ZNF721: variants seen among roughly 807,000 people sequenced by gnomAD.
ZNF721 encodes the protein zinc finger protein 721.
ZNF721 carries 2 observed loss-of-function variants against 2.4 expected under a neutral mutation model. The ratio of observed to expected loss-of-function variants is 0.82; its 90% confidence interval spans 0.34 to 2.58. ZNF721 has a LOEUF of 2.58. Among genes scored for constraint, ZNF721 ranks in the 30% most tolerant of loss-of-function variants. The pLI is 0.11. For synonymous variants in ZNF721, 398 were observed against 381.8 expected (o/e 1.04, Z -0.50); for missense variants, 1,187 against 1,085.5 (o/e 1.09, Z -1.31).
chr4:482,297 A>G (rs535350292), intron 1 of ZNF721, among the ~76,000 whole-genome samples: 2 of 151,574 alleles, frequency 1.3e-5, no homozygotes, highest in South Asian at 2.1e-4. Flanking sequence ...CTGAGCCACT[A>G]GGATTACAGG....
chr4:472,533 T>TCC (rs1560238103), intron 2 of ZNF721, 42 bp downstream of exon 2: 1 of 1,571,076 alleles, frequency 6.4e-7, no homozygotes, highest in East Asian at 2.3e-5. Context: ...AAAATAAAAC[T>TCC]CAGAGGGAGT....
intron 1 of ZNF721, among the ~76,000 whole-genome samples, chr4:484,783 T>C (rs1553869987): frequency 6.6e-6 from 1 of 152,250 alleles, no homozygotes; most frequent in Non-Finnish European, 1.5e-5. Context: ...AATTTCACCC[T>C]GGCCCTGTGG....
chr4:482,291 GCCAC>G (rs1715789764), intron 1 of ZNF721, among the ~76,000 whole-genome samples: 1 of 152,072 alleles, frequency 6.6e-6, no homozygotes, highest in Admixed American at 6.6e-5. Flanking sequence ...AACCTCCTGA[GCCAC>G]TAGGATTACA....
At chr4:450,262 G>A (rs1576954781) in intron 2 of ZNF721, among the ~76,000 whole-genome samples, 5 of 149,762 alleles carry the variant, frequency 3.3e-5, no homozygotes, top group Admixed American at 3.3e-4. Context: ...CCAAGATATG[G>A]AATCAATCCA....
chr4:474,109 A>C, intron 1 of ZNF721: 5 of 1,206,550 alleles, frequency 4.1e-6, no homozygotes, highest in Non-Finnish European at 5.7e-6. Context: ...GAAGCAGGGA[A>C]GTGAGGCCCT....
In ZNF721 at chr4:499,138, C is replaced by G. The variant is rs868950153; in HGVS notation, c.-176G>C. On this transcript the variant is annotated 5_prime_UTR_variant, in exon 1 of 3. Coordinates refer to ENST00000511833, the MANE Select transcript of ZNF721 (RefSeq NM_133474.4). ...GAACACCGCCCGCTGTTCGTATGTC[C>G]GAGGTGACGCCCCGCTGTGGCGGGC... 1.2e-5 allele frequency: 7 copies of G among 601,002 alleles called. No individual in the cohort carries two copies. The highest frequency in any genetic ancestry group is 4.4e-4 in the Middle Eastern group (1 of 2,270). 37.2% of individuals were successfully genotyped at this position (601,002 alleles called of 1,614,324 possible). A position where few individuals can be genotyped will look rare whatever the true frequency, so the allele number is the denominator to read the frequency against.
At chr4:498,619 A>C (rs1404267818) in intron 1 of ZNF721, among the ~76,000 whole-genome samples, 1 of 152,260 alleles carries the variant, frequency 6.6e-6, no homozygotes, top group Non-Finnish European at 1.5e-5. Flanking sequence ...TAAGCAAAAT[A>C]AGACACAGAA....
chr4:484,994 ATT>A (rs1476719375), intron 1 of ZNF721, among the ~76,000 whole-genome samples: 1 of 152,050 alleles, frequency 6.6e-6, no homozygotes, highest in East Asian at 1.9e-4. Context: ...CAGCTTTAAA[ATT>A]TCTCTCTTTT....
Position 441,842 on chromosome 4 carries a change from T to C in ZNF721, c.2625A>G (p.Arg875=), listed in dbSNP as rs1415306606. Residue 875 remains arginine, a synonymous_variant, in exon 3 of 3, where the codon AGA becomes AGG. Coordinates refer to ENST00000511833, the MANE Select transcript of ZNF721 (RefSeq NM_133474.4). ...YTCGECGKTF[R]QSANLYAHKK... ...TATGCGCATAAAGATTTGCAGACTGTCTAAAGGTTTTGCCACATTCTCCAC... is the reference window on the plus strand; with the variant it reads ...TATGCGCATAAAGATTTGCAGACTGCCTAAAGGTTTTGCCACATTCTCCAC... The C allele has an allele frequency of 6.2e-7, 1 of 1,613,894 alleles. No homozygotes were observed. Among genetic ancestry groups the C allele is most frequent in the Non-Finnish European group, 8.5e-7 (1 of 1,180,006 alleles).
At chr4:472,465 G>T in intron 2 of ZNF721, 110 bp downstream of exon 2, 2 of 1,198,072 alleles carry the variant, frequency 1.7e-6, no homozygotes, top group Non-Finnish European at 2.3e-6. Flanking sequence ...ACATAGCTGT[G>T]TGTGTGAGAC....
At position 489,800 on chromosome 4, in the gene ZNF721, C is replaced by G. The variant is rs531599237; in HGVS notation, c.-94+9256G>C. ...TTAGAAGAATCAGATCAGAAATATA[C>G]CTTATTTCTAATTATATATTGATCA... On this transcript the variant is annotated intron_variant, in intron 1 of 2. Coordinates refer to ENST00000511833, the MANE Select transcript of ZNF721 (RefSeq NM_133474.4). 1.1e-4 allele frequency among the ~76,000 whole-genome samples: 16 copies of G among 152,200 alleles called. No individual in the cohort carries two copies. In the South Asian group the frequency reaches 3.1e-3, roughly 30 times the overall value.
chr4:485,564 T>A (rs1385689634), intron 1 of ZNF721, among the ~76,000 whole-genome samples: 1 of 152,170 alleles, frequency 6.6e-6, no homozygotes, highest in East Asian at 1.9e-4. Flanking sequence ...TTCACATTAA[T>A]TTGAGAAATA....
At chr4:467,004 G>T (rs1715272486) in intron 2 of ZNF721, among the ~76,000 whole-genome samples, 2 of 152,060 alleles carry the variant, frequency 1.3e-5, no homozygotes, top group African/African-American at 4.8e-5. Flanking sequence ...AGATCACAAG[G>T]TCAGGAGATA....
At chr4:491,543 C>T (rs1716023319) in intron 1 of ZNF721, among the ~76,000 whole-genome samples, 1 of 152,222 alleles carries the variant, frequency 6.6e-6, no homozygotes, top group Non-Finnish European at 1.5e-5. Flanking sequence ...CAAGAGCAGA[C>T]TGAAATGTTA....
chr4:488,943 C>T (rs1715960959), intron 1 of ZNF721, among the ~76,000 whole-genome samples: 1 of 152,072 alleles, frequency 6.6e-6, no homozygotes, highest in Non-Finnish European at 1.5e-5. Flanking sequence ...AGGAAAAACA[C>T]CCAAGGGACC....
At chr4:495,342 A>AAT (rs1716122651) in intron 1 of ZNF721, among the ~76,000 whole-genome samples, 1 of 151,582 alleles carries the variant, frequency 6.6e-6, no homozygotes, top group African/African-American at 2.4e-5. Context: ...AAAAAAAAAA[A>AAT]AAAAAAGACA....
chr4:484,906 C>T lies in ZNF721; in HGVS notation c.-93-12205G>A, dbSNP rs76947100. ...ACACTCCCTCCCCTTTTGAAAATCT[C>T]GAATAAAAACTTGCTGGTTTTTGCG... On this transcript the variant is annotated intron_variant, in intron 1 of 2. Transcript: ENST00000511833. 9.5e-3 allele frequency among the ~76,000 whole-genome samples: 1,440 copies of T among 152,278 alleles called. 29 individuals carry two copies. The highest frequency in any genetic ancestry group is 0.033 in the African/African-American group (1,366 of 41,544).
intron 1 of ZNF721, among the ~76,000 whole-genome samples, chr4:490,749 A>C (rs1220415243): frequency 6.6e-6 from 1 of 152,142 alleles, no homozygotes; most frequent in African/African-American, 2.4e-5. Flanking sequence ...GCATGCGTGC[A>C]CAGTTTATAA....
At chr4:474,052 T>C (rs886375209) in intron 1 of ZNF721, 14 of 1,472,618 alleles carry the variant, frequency 9.5e-6, no homozygotes, top group African/African-American at 1.4e-5. Context: ...TACAGAGCGA[T>C]GGAGGCTGAG....
Sources: gnomAD v4.1 joint callset for allele counts (sites outside exome capture counted in the v4.1 genomes callset) on GRCh38, gnomAD v4.1.1 for gene constraint, MANE v1.5 for transcripts, NCBI Gene and HGNC (gene_info 2026-07-23, HGNC 2026-07-21) for gene names.